SNX29: variants seen among roughly 807,000 people sequenced by gnomAD.
SNX29 encodes sorting nexin 29.
A neutral mutation model predicts 102.1 loss-of-function variants in SNX29; 78 were observed. The observed-to-expected ratio is 0.76, with a 90% confidence interval of 0.64 to 0.92. The LOEUF (loss-of-function observed/expected upper bound fraction) is 0.92, where lower values mean the gene tolerates loss of function less well. Ranked by LOEUF, SNX29 falls within the 40% of genes least tolerant of loss-of-function variation. SNX29 has a pLI of 0.00. For synonymous variants in SNX29, 580 were observed against 414.5 expected, an observed-to-expected ratio of 1.40 and a Z score of -4.85; for missense variants, 1,280 against 1,061.7, an observed-to-expected ratio of 1.21 and a Z score of -2.86.
chr16:12,050,436 C>T (rs1369911140), intron 7 of SNX29, among the ~76,000 whole-genome samples: 4 of 152,160 alleles, frequency 2.6e-5, no homozygotes, highest in South Asian at 2.1e-4. Context: ...CACTGCAGTT[C>T]GTTACTTTTT....
chr16:12,437,818 G>A (rs2085605302), intron 18 of SNX29, among the ~76,000 whole-genome samples: 1 of 152,164 alleles, frequency 6.6e-6, no homozygotes, highest in African/African-American at 2.4e-5. Context: ...CATCAGTGAA[G>A]CAGGGCTGGC....
chr16:12,389,487 C>G (rs781717266), intron 16 of SNX29, among the ~76,000 whole-genome samples: 23 of 152,312 alleles, frequency 1.5e-4, no homozygotes, highest in Middle Eastern at 3.4e-3. Context: ...TAAGATGTGA[C>G]TTGCTCTTCC....
chr16:12,407,636 TTCAA>T (rs57747960), intron 18 of SNX29, among the ~76,000 whole-genome samples: 3,655 of 152,282 alleles, frequency 0.024, 85 homozygotes, highest in African/African-American at 0.058. Flanking sequence ...TAATAGCTCA[TTCAA>T]TCCTTGTAGC....
chr16:12,551,028 C>G (rs1354075039), intron 20 of SNX29, among the ~76,000 whole-genome samples: 1 of 152,138 alleles, frequency 6.6e-6, no homozygotes, highest in Non-Finnish European at 1.5e-5. Flanking sequence ...TGATGGGCTT[C>G]TAAACAAGGT....
chr16:12,318,279 G>A (rs1330573189), intron 15 of SNX29, among the ~76,000 whole-genome samples: 2 of 152,200 alleles, frequency 1.3e-5, no homozygotes, highest in Non-Finnish European at 1.5e-5. Flanking sequence ...AAGCAGCAGC[G>A]GCCTTGATCA....
rs899840181 is a variant in SNX29, at chr16:12,277,719, C to T, written c.1679-214C>T. ...CCTCCTGAGCAGCTGACACTACAGG[C>T]GCACACCACCATTCCTGGCCTTGTC... On this transcript the variant is annotated intron_variant, in intron 14 of 20. Coordinates refer to ENST00000566228, the MANE Select transcript of SNX29 (RefSeq NM_032167.5). 1.2e-4 allele frequency among the ~76,000 whole-genome samples: 18 copies of T among 152,210 alleles called. 1 individual carries two copies. The highest frequency in any genetic ancestry group is 4.2e-4 in the South Asian group (2 of 4,810).
chr16:12,538,077 C>T (rs1025633571), intron 20 of SNX29, among the ~76,000 whole-genome samples: 2 of 151,022 alleles, frequency 1.3e-5, no homozygotes, highest in African/African-American at 4.9e-5. Flanking sequence ...GCTTTCTTCT[C>T]AGTGGGCTAA....
chr16:12,446,273 C>T (rs1401509787), intron 18 of SNX29, among the ~76,000 whole-genome samples: 1 of 152,128 alleles, frequency 6.6e-6, no homozygotes, highest in Non-Finnish European at 1.5e-5. Context: ...CCAGGCTGGT[C>T]TCGAACTCCT....
rs148759660 is a variant in SNX29 at position 12,471,242 on chromosome 16, G to A, written c.2038-6477G>A. Among the ~76,000 whole-genome samples the A allele has an allele frequency of 2.9e-4, 44 of 152,230 alleles. No individual in the cohort carries two copies. In the East Asian group the frequency reaches 5.2e-3, roughly 18 times the overall value. On this transcript the variant is annotated intron_variant, in intron 18 of 20. Coordinates refer to ENST00000566228, the MANE Select transcript of SNX29 (RefSeq NM_032167.5). ...CCTCCCCACATCTTCTTTTCCACCC[G>A]CTTATGGGAGTGCATGTTTGTGTGT...
intron 15 of SNX29, among the ~76,000 whole-genome samples, chr16:12,309,651 TG>T (rs1242753797): frequency 6.6e-6 from 1 of 152,224 alleles, no homozygotes. Context: ...GGTGAAGGAA[TG>T]GGTGCCCACA....
intron 15 of SNX29, among the ~76,000 whole-genome samples, chr16:12,283,762 C>T (rs558093393): frequency 5.9e-5 from 9 of 152,310 alleles, no homozygotes; most frequent in East Asian, 1.9e-4. Flanking sequence ...GGCAGACGTG[C>T]CTGTTCTAAT....
intron 13 of SNX29, among the ~76,000 whole-genome samples, chr16:12,185,804 G>A (rs946710014): frequency 2.6e-5 from 4 of 152,230 alleles, no homozygotes; most frequent in African/African-American, 4.8e-5. Flanking sequence ...CTGTGCAGCA[G>A]TCGCAGTCCC....
At chr16:12,535,344 C>T (rs2077044972) in intron 20 of SNX29, among the ~76,000 whole-genome samples, 2 of 152,298 alleles carry the variant, frequency 1.3e-5, no homozygotes, top group South Asian at 2.1e-4. Context: ...TCGTGTTGGC[C>T]AGGCTGGTCT....
rs749458247 is a variant in SNX29 at position 12,573,343 on chromosome 16, C to T, written c.*4714C>T. ...ACTCTGAATTATGTCATGGAGTAGACAGTTACTTCTAAATCCCAGCAACCA... is the reference window on the plus strand; with the variant it reads ...ACTCTGAATTATGTCATGGAGTAGATAGTTACTTCTAAATCCCAGCAACCA... On this transcript the variant is annotated 3_prime_UTR_variant, in exon 21 of 21. Transcript: ENST00000566228. The T allele has an allele frequency of 6.2e-5, 14 of 225,472 alleles. No homozygotes were observed. The highest frequency in any genetic ancestry group is 2.7e-4 in the African/African-American group (12 of 45,032). 14.0% of individuals were successfully genotyped at this position (225,472 alleles called of 1,614,324 possible).
intron 15 of SNX29, among the ~76,000 whole-genome samples, chr16:12,350,201 C>T (rs969888410): frequency 2.0e-5 from 3 of 152,174 alleles, no homozygotes; most frequent in Non-Finnish European, 4.4e-5. Context: ...TCTGTATCTG[C>T]GACTCTGCAT....
Position 12,568,637 on chromosome 16 carries a change from A to G in SNX29, c.*8A>G, listed in dbSNP as rs745685104. On this transcript the variant is annotated 3_prime_UTR_variant, in exon 21 of 21. Transcript: ENST00000566228. Reference sequence around the variant, plus strand: ...CAGAGCGGTGACCTCTGACCTCGACAAAACCGCAGCCACGGGCCCTGTGCG... The same window carrying G: ...CAGAGCGGTGACCTCTGACCTCGACGAAACCGCAGCCACGGGCCCTGTGCG... 3.1e-6 allele frequency: 5 copies of G among 1,601,602 alleles called. No homozygotes were observed. The highest frequency in any genetic ancestry group is 1.3e-5 in the African/African-American group (1 of 74,998).
At chr16:12,376,050 A>AAAAT (rs1187905962) in intron 16 of SNX29, 2 of 152,880 alleles carry the variant, frequency 1.3e-5, no homozygotes, top group Non-Finnish European at 2.9e-5. Flanking sequence ...AAAAAAAAAA[A>AAAAT]AAAGTGGCAT....
At chr16:12,092,095 C>T (rs539929948) in intron 11 of SNX29, among the ~76,000 whole-genome samples, 1 of 152,322 alleles carries the variant, frequency 6.6e-6, no homozygotes, top group South Asian at 2.1e-4. Flanking sequence ...CCCCCAAGTG[C>T]AGCACTTCCC....
intron 20 of SNX29, chr16:12,526,877 G>A: frequency 2.5e-6 from 1 of 400,920 alleles, no homozygotes; most frequent in South Asian, 2.5e-5. Context: ...ATGCGAGCCT[G>A]TCGGTGTGAC....
Sources: allele counts gnomAD v4.1 joint callset (sites outside exome capture counted in the v4.1 genomes callset), GRCh38; gene constraint gnomAD v4.1.1; transcripts MANE v1.5; gene names NCBI Gene and HGNC (gene_info 2026-07-23, HGNC 2026-07-21).